Variants in ATP8A2 observed in about 807,000 individuals in gnomAD.
ATP8A2 encodes the protein ATPase phospholipid transporting 8A2, also known as phospholipid-transporting ATPase IB.
A neutral mutation model predicts 165.6 loss-of-function variants in ATP8A2; 100 were observed. The ratio of observed to expected loss-of-function variants is 0.60; its 90% CI spans 0.51 to 0.71. ATP8A2 has a LOEUF of 0.71. Ranked by LOEUF, ATP8A2 falls within the 30% of genes least tolerant of loss-of-function variation. The pLI is 0.00. For synonymous variants in ATP8A2, 543 were observed against 548.8 expected (o/e 0.99, Z 0.15); for missense variants, 1,227 against 1,479.5 (o/e 0.83, Z 2.80).
intron 27 of ATP8A2, among the ~76,000 whole-genome samples, chr13:25,822,620 GA>G (rs1951211662): frequency 6.6e-6 from 1 of 152,146 alleles, no homozygotes; most frequent in Admixed American, 6.5e-5. Context: ...CTTTCTGTCT[GA>G]TTTGTAAGAA....
intron 27 of ATP8A2, among the ~76,000 whole-genome samples, chr13:25,826,934 G>A (rs1452381858): frequency 6.7e-6 from 1 of 149,268 alleles, no homozygotes; most frequent in Non-Finnish European, 1.5e-5. Context: ...ATATTCAGCA[G>A]CAACTTTTTG....
intron 1 of ATP8A2, among the ~76,000 whole-genome samples, chr13:25,379,495 A>G (rs1329781473): frequency 6.6e-6 from 1 of 152,208 alleles, no homozygotes. Flanking sequence ...GGCCTGGCTG[A>G]TAATATATTT....
rs530587832 is a variant in ATP8A2, at chr13:25,407,412, A to T, written c.76+35124A>T. On this transcript the variant is annotated intron_variant, in intron 1 of 36. Transcript: ENST00000381655. ...CAAGGAAGCAATTTTAAAAAACCAA[A>T]CTCTTCCAACTGTATGTATTTTGGA... 4.6e-5 allele frequency among the ~76,000 whole-genome samples: 7 copies of T among 152,220 alleles called. No homozygotes were observed. The South Asian group carries it at 1.2e-3, about 27-fold the overall frequency.
At chr13:25,519,876 G>A (rs2037606475) in intron 2 of ATP8A2, among the ~76,000 whole-genome samples, 1 of 152,170 alleles carries the variant, frequency 6.6e-6, no homozygotes, top group Non-Finnish European at 1.5e-5. Flanking sequence ...CCCTGGCAGA[G>A]TGAATGGTAA....
intron 33 of ATP8A2, among the ~76,000 whole-genome samples, chr13:25,900,900 A>G (rs1953722668): frequency 6.6e-6 from 1 of 152,230 alleles, no homozygotes; most frequent in Non-Finnish European, 1.5e-5. Flanking sequence ...TCCACTGCGA[A>G]TGCAGGTGAC....
chr13:25,709,230 T>C (rs1219435174), intron 25 of ATP8A2, among the ~76,000 whole-genome samples: 1 of 152,242 alleles, frequency 6.6e-6, no homozygotes, highest in African/African-American at 2.4e-5. Flanking sequence ...CAAGTATTCA[T>C]AGTGGCGTCC....
At chr13:25,955,521 T>C (rs948440137) in intron 33 of ATP8A2, among the ~76,000 whole-genome samples, 1 of 151,982 alleles carries the variant, frequency 6.6e-6, no homozygotes, top group Admixed American at 6.6e-5. Flanking sequence ...AACTAGAAAA[T>C]CTAGAAGAAA....
chr13:25,831,216 CTTTTTTTTT>C (rs71759758), intron 28 of ATP8A2, among the ~76,000 whole-genome samples: 2 of 133,492 alleles, frequency 1.5e-5, no homozygotes, highest in Non-Finnish European at 3.1e-5. Flanking sequence ...AACTAATTTT[CTTTTTTTTT>C]TTTTTTTGAG....
chr13:25,427,147 A>G (rs1213909407), intron 1 of ATP8A2, among the ~76,000 whole-genome samples: 1 of 152,168 alleles, frequency 6.6e-6, no homozygotes, highest in African/African-American at 2.4e-5. Flanking sequence ...GCGAGCTAGC[A>G]CGTGAAGCCT....
At chr13:25,468,864 C>A in intron 1 of ATP8A2, 113 bp from the exon 2 acceptor site, 1 of 1,525,008 alleles carries the variant, frequency 6.6e-7, no homozygotes, top group Non-Finnish European at 8.8e-7. Flanking sequence ...GTCCGCCTCA[C>A]CCGAGCATCC....
At chr13:25,563,426 G>A (rs1241991286) in intron 15 of ATP8A2, among the ~76,000 whole-genome samples, 1 of 151,718 alleles carries the variant, frequency 6.6e-6, no homozygotes, top group African/African-American at 2.4e-5. Flanking sequence ...AAAAATTTCA[G>A]GAGGGAGTGG....
intron 25 of ATP8A2, among the ~76,000 whole-genome samples, chr13:25,705,979 T>C (rs2043047750): frequency 1.3e-5 from 2 of 152,258 alleles, no homozygotes; most frequent in African/African-American, 2.4e-5. Flanking sequence ...TTTACATGAA[T>C]AGTTGCAAAG....
In ATP8A2 at chr13:25,468,993, T is replaced by G; in HGVS notation, c.93T>G (p.Ser31=). The G allele has an allele frequency of 6.2e-7, 1 of 1,614,038 alleles. No individual in the cohort carries two copies. Among genetic ancestry groups the G allele is most frequent in the Non-Finnish European group, 8.5e-7 (1 of 1,179,878 alleles). ...IRSSVGPVRS[S]LGYKKAEDEM... ...TCTCTGCAGGACCTGTTCGTTCTTC[T>G]TTGGGCTATAAGAAGGCAGAGGATG... The change falls in exon 2 of 37, where the codon TCT becomes TCG. Residue 31 remains serine (S), a synonymous_variant. Transcript: ENST00000381655.
chr13:25,981,628 G>A lies in ATP8A2; in HGVS notation c.3377+12949G>A, dbSNP rs544393387. On this transcript the variant is annotated intron_variant, in intron 35 of 36. Transcript: ENST00000381655. ...TTATATGTATTATATGAAACAATTC[G>A]TATGTTCTTATACTAATTAAATATT... is the stretch of plus-strand genomic sequence containing the variant. Among the ~76,000 whole-genome samples the A allele has an allele frequency of 2.5e-3, 376 of 152,064 alleles. 1 individual carries two copies. The highest frequency in any genetic ancestry group is 8.4e-3 in the African/African-American group (347 of 41,504).
chr13:25,688,964 C>T (rs2042665491), intron 24 of ATP8A2, among the ~76,000 whole-genome samples: 1 of 152,230 alleles, frequency 6.6e-6, no homozygotes, highest in South Asian at 2.1e-4. Flanking sequence ...TTCACTATTT[C>T]TCTTTCAGAA....
chr13:25,556,161 C>T (rs2038974476), intron 13 of ATP8A2, among the ~76,000 whole-genome samples: 1 of 152,220 alleles, frequency 6.6e-6, no homozygotes, highest in Admixed American at 6.5e-5. Flanking sequence ...AATGGTAGTT[C>T]TGTATTAAGT....
At chr13:25,887,363 A>C (rs1953190536) in intron 33 of ATP8A2, among the ~76,000 whole-genome samples, 1 of 151,422 alleles carries the variant, frequency 6.6e-6, no homozygotes, top group Admixed American at 6.6e-5. Flanking sequence ...TTTAAGACAG[A>C]GTTTTGCTGT....
intron 1 of ATP8A2, among the ~76,000 whole-genome samples, chr13:25,460,078 A>G (rs148392712): frequency 0.011 from 1,713 of 152,156 alleles, 34 homozygotes; most frequent in African/African-American, 0.039. Flanking sequence ...GTGGGTGCCT[A>G]TAATCCCAGC....
intron 24 of ATP8A2, chr13:25,591,304 C>G: frequency 2.2e-6 from 1 of 456,584 alleles, no homozygotes; most frequent in East Asian, 6.9e-5. Context: ...TGAACAACTA[C>G]TCTCCATTCC....
Sources: allele counts gnomAD v4.1 joint callset (sites outside exome capture counted in the v4.1 genomes callset), GRCh38; gene constraint gnomAD v4.1.1; transcripts MANE v1.5; gene names NCBI Gene and HGNC (gene_info 2026-07-23, HGNC 2026-07-21).